Variants in SUGCT observed in about 807,000 individuals in gnomAD.
SUGCT encodes the protein succinyl-CoA:glutarate CoA-transferase.
In SUGCT, 41 loss-of-function variants were observed where a neutral mutation model predicts 55.0. That is an observed-to-expected ratio of 0.74 (90% CI 0.58 to 0.97). The LOEUF (loss-of-function observed/expected upper bound fraction) is 0.97. SUGCT is among the 50% of genes least tolerant of loss of function. The probability of loss-of-function intolerance (pLI) is 0.00; values close to 1 mark genes in which losing one functional copy is unlikely to be tolerated. For missense variants in SUGCT, 568 were observed against 547.8 expected (o/e 1.04, Z -0.37); for synonymous variants, 187 against 200.4 (o/e 0.93, Z 0.56).
chr7:40,788,748 C>G (rs1377378034), intron 13 of SUGCT, among the ~76,000 whole-genome samples: 1 of 152,202 alleles, frequency 6.6e-6, no homozygotes, highest in Non-Finnish European at 1.5e-5. Context: ...CTGCTACAGC[C>G]TCCCCTGGGC....
At chr7:40,807,438 A>T (rs1050662193) in intron 13 of SUGCT, among the ~76,000 whole-genome samples, 1 of 152,210 alleles carries the variant, frequency 6.6e-6, no homozygotes, top group South Asian at 2.1e-4. Flanking sequence ...CACAGCCCGT[A>T]GAGTCTGGAG....
At chr7:40,411,873 A>C (rs117984514) in intron 9 of SUGCT, among the ~76,000 whole-genome samples, 3,768 of 152,286 alleles carry the variant, frequency 0.025, 55 homozygotes, top group Non-Finnish European at 0.038. Flanking sequence ...TCAAATTTAC[A>C]TATGCAGCCC....
At chr7:40,565,129 A>G (rs1796054398) in intron 12 of SUGCT, among the ~76,000 whole-genome samples, 1 of 152,230 alleles carries the variant, frequency 6.6e-6, no homozygotes, top group Non-Finnish European at 1.5e-5. Flanking sequence ...GTTGAAAAAT[A>G]GGCAGAATTC....
chr7:40,280,912 C>T (rs1428632892), intron 8 of SUGCT, among the ~76,000 whole-genome samples: 3 of 151,926 alleles, frequency 2.0e-5, no homozygotes, highest in African/African-American at 4.8e-5. Context: ...CTAGAATGGA[C>T]GAGTTTTGAG....
the SUGCT span, among the ~76,000 whole-genome samples, chr7:41,026,091 C>T: frequency 0.014 from 2,126 of 152,332 alleles, 52 homozygotes; most frequent in African/African-American, 0.048. Flanking sequence ...TGGAGCTGCA[C>T]CTGCTGCCAC....
intron 9 of SUGCT, among the ~76,000 whole-genome samples, chr7:40,390,085 C>A (rs1481164729): frequency 6.6e-6 from 1 of 152,128 alleles, no homozygotes; most frequent in African/African-American, 2.4e-5. Context: ...AATTCAACAG[C>A]CCTTCATGCT....
the SUGCT span, among the ~76,000 whole-genome samples, chr7:40,997,100 A>T: frequency 2.0e-5 from 3 of 152,172 alleles, no homozygotes; most frequent in Non-Finnish European, 4.4e-5. Context: ...CCAAGCCCTC[A>T]TGTGGTTTGT....
intron 1 of SUGCT, among the ~76,000 whole-genome samples, chr7:40,147,647 C>A (rs73129891): frequency 0.03 from 4,533 of 152,298 alleles, 108 homozygotes; most frequent in Middle Eastern, 0.051. Context: ...ATTCTTTAAG[C>A]TAGGTTGCTG....
chr7:40,635,077 A>G (rs1378735916), intron 12 of SUGCT, among the ~76,000 whole-genome samples: 1 of 152,058 alleles, frequency 6.6e-6, no homozygotes, highest in Non-Finnish European at 1.5e-5. Context: ...CTTAAGGCCA[A>G]GAGTTCAAGA....
intron 13 of SUGCT, among the ~76,000 whole-genome samples, chr7:40,823,027 A>G (rs1213958318): frequency 1.3e-5 from 2 of 152,160 alleles, no homozygotes; most frequent in Non-Finnish European, 2.9e-5. Flanking sequence ...AAAAGCCACA[A>G]GCATGCCTTG....
intron 9 of SUGCT, among the ~76,000 whole-genome samples, chr7:40,320,390 G>A (rs1327829421): frequency 2.6e-5 from 4 of 152,160 alleles, no homozygotes; most frequent in Non-Finnish European, 5.9e-5. Flanking sequence ...ACAGGCGTGA[G>A]CCTGTAATAT....
rs529794821 is a variant in SUGCT at position 40,725,582 on chromosome 7, T to C, written c.1090-23852T>C. Among the ~76,000 whole-genome samples, 9 of 152,082 alleles carry C rather than the reference T, an allele frequency of 5.9e-5. No homozygotes were observed. The South Asian group carries it at 1.2e-3, about 21-fold the overall frequency. ...CAGTAGGGACCTCTATTTTCTTTTTTTTTTTTTCTTTTCACTCTCTTTTAA... is the reference window on the plus strand; with the variant it reads ...CAGTAGGGACCTCTATTTTCTTTTTCTTTTTTTCTTTTCACTCTCTTTTAA... On this transcript the variant is annotated intron_variant, in intron 12 of 13. Transcript: ENST00000335693.
chr7:40,790,603 A>G (rs921866176), intron 13 of SUGCT, among the ~76,000 whole-genome samples: 25 of 152,362 alleles, frequency 1.6e-4, no homozygotes, highest in African/African-American at 6.0e-4. Context: ...TATGGACTAC[A>G]GAAATTATTT....
At chr7:40,358,126 T>G (rs1262780539) in intron 9 of SUGCT, among the ~76,000 whole-genome samples, 1 of 152,198 alleles carries the variant, frequency 6.6e-6, no homozygotes, top group Non-Finnish European at 1.5e-5. Flanking sequence ...ATCTGTTCCA[T>G]GAATGAAATG....
intron 11 of SUGCT, among the ~76,000 whole-genome samples, chr7:40,475,708 A>G (rs1279893728): frequency 6.6e-6 from 1 of 152,190 alleles, no homozygotes; most frequent in Non-Finnish European, 1.5e-5. Context: ...CAGTTTCCAC[A>G]TCTTTAAAAC....
At chr7:40,707,276 A>G (rs1785468448) in intron 12 of SUGCT, among the ~76,000 whole-genome samples, 1 of 151,438 alleles carries the variant, frequency 6.6e-6, no homozygotes, top group South Asian at 2.1e-4. Context: ...TTGGGCAAAG[A>G]GAACGTTTTC....
intron 9 of SUGCT, among the ~76,000 whole-genome samples, chr7:40,364,805 G>T (rs2151232648): frequency 6.6e-6 from 1 of 152,038 alleles, no homozygotes; most frequent in East Asian, 1.9e-4. Context: ...AGGACCAGAT[G>T]GATTCACAGC....
intron 7 of SUGCT, among the ~76,000 whole-genome samples, chr7:40,239,027 A>G (rs964696256): frequency 6.6e-5 from 10 of 151,970 alleles, no homozygotes; most frequent in African/African-American, 2.4e-4. Context: ...CACCGTCTTG[A>G]CCAGGCTGGT....
the SUGCT span, among the ~76,000 whole-genome samples, chr7:40,940,160 T>C: frequency 6.6e-6 from 1 of 152,054 alleles, no homozygotes; most frequent in Admixed American, 6.6e-5. Context: ...TGTTTTTGTA[T>C]GCTTTGTTGA....
Sources: gnomAD v4.1 joint callset for allele counts (sites outside exome capture counted in the v4.1 genomes callset) on GRCh38, gnomAD v4.1.1 for gene constraint, MANE v1.5 for transcripts, NCBI Gene and HGNC (gene_info 2026-07-23, HGNC 2026-07-21) for gene names.